Variants in TBPL2 observed in about 807,000 individuals in gnomAD.
TBPL2 encodes the protein TATA box-binding protein-like 2.
TBPL2 carries 40 observed loss-of-function variants against 38.2 expected under a neutral mutation model. The observed-to-expected ratio is 1.05, with a 90% CI of 0.81 to 1.36. TBPL2 has a LOEUF of 1.36. Among genes scored for constraint, TBPL2 ranks in the 40% most tolerant of loss-of-function variants. The probability of loss-of-function intolerance (pLI) is 0.00; values close to 1 mark genes in which losing one functional copy is unlikely to be tolerated. For synonymous variants in TBPL2, 169 were observed against 171.7 expected, an observed-to-expected ratio of 0.98 and a Z score of 0.12; for missense variants, 461 against 456.7, an observed-to-expected ratio of 1.01 and a Z score of -0.09.
At chr14:55,433,597 C>T in intron 4 of TBPL2, 33 bp downstream of exon 4, 1 of 1,581,102 alleles carries the variant, frequency 6.3e-7, no homozygotes. Context: ...TAAATTGTTT[C>T]TCTGGTAGGG....
At chr14:55,419,663 G>A (rs970666547) in intron 6 of TBPL2, among the ~76,000 whole-genome samples, 8 of 152,170 alleles carry the variant, frequency 5.3e-5, no homozygotes, top group African/African-American at 1.9e-4. Context: ...CTTAGACATG[G>A]TGGCTGTAGC....
At chr14:55,430,644 ACCT>A (rs1885911582) in intron 4 of TBPL2, among the ~76,000 whole-genome samples, 1 of 151,698 alleles carries the variant, frequency 6.6e-6, no homozygotes, top group Non-Finnish European at 1.5e-5. Context: ...GACCCTCCCA[ACCT>A]CAGCCTCCCC....
chr14:55,439,184 G>A (rs996269061), intron 1 of TBPL2, among the ~76,000 whole-genome samples: 6 of 151,166 alleles, frequency 4.0e-5, no homozygotes, highest in African/African-American at 9.7e-5. Flanking sequence ...AATGAGCCAC[G>A]TGCCTCGGCC....
In TBPL2 at chr14:55,435,935, C is replaced by T; in HGVS notation, c.609-1G>A. On this transcript the variant is annotated splice_acceptor_variant, in intron 2 of 6. Coordinates refer to ENST00000247219, the Ensembl canonical transcript of TBPL2. LOFTEE classifies it high-confidence loss of function. ...CAGGTTTACAGTGGAAACTATATTC[C>T]TGAAGAAATAAGTCAGTTTAGAAAC... The T allele has an allele frequency of 2.6e-6, 4 of 1,557,650 alleles. No individual in the cohort carries two copies. The highest frequency in any genetic ancestry group is 1.2e-5 in the South Asian group (1 of 83,236).
intron 4 of TBPL2, among the ~76,000 whole-genome samples, chr14:55,430,499 T>C (rs1885909225): frequency 2.0e-5 from 3 of 151,454 alleles, no homozygotes; most frequent in Admixed American, 2.0e-4. Flanking sequence ...CTTGAACTTC[T>C]GGCCTTAAGT....
exon 2 of TBPL2, chr14:55,436,596 A>T (rs1886016056): frequency 6.2e-7 from 1 of 1,614,090 alleles, no homozygotes; most frequent in South Asian, 1.1e-5. Flanking sequence ...ATTCTGAAAT[A>T]GGGGTCATTG....
chr14:55,417,637 T>C (rs1335100486), intron 6 of TBPL2, among the ~76,000 whole-genome samples: 1 of 152,060 alleles, frequency 6.6e-6, no homozygotes, highest in Non-Finnish European at 1.5e-5. Context: ...TTTTGTCTAT[T>C]TTCAGTAGAG....
At chr14:55,429,459 TG>T (rs1885887728) in intron 4 of TBPL2, among the ~76,000 whole-genome samples, 2 of 152,306 alleles carry the variant, frequency 1.3e-5, no homozygotes, top group South Asian at 4.1e-4. Context: ...TCTCAAAGTA[TG>T]TCCCATTTAG....
intron 6 of TBPL2, among the ~76,000 whole-genome samples, chr14:55,416,760 G>T (rs557581021): frequency 6.6e-6 from 1 of 152,282 alleles, no homozygotes; most frequent in East Asian, 1.9e-4. Context: ...GAACAACCTT[G>T]TTAGCAGACA....
chr14:55,433,789 G>A lies in TBPL2; in HGVS notation c.697-68C>T, dbSNP rs1220773855. The A allele has an allele frequency of 2.4e-5, 34 of 1,415,650 alleles. No individual in the cohort carries two copies. In the East Asian group the frequency reaches 3.4e-4, roughly 14 times the overall value. The allele number at this position is 1,415,650 out of a possible 1,614,324, so 87.7% of individuals were successfully genotyped here. On this transcript the variant is annotated intron_variant, in intron 3 of 6. Transcript: ENST00000247219. ...TAACATTATCCCAGTTGAAAAAGCC[G>A]AGCTGAATATGAAAATCTCAAACAG...
chr14:55,433,173 G>C (rs1194930395), intron 4 of TBPL2, among the ~76,000 whole-genome samples: 1 of 152,044 alleles, frequency 6.6e-6, no homozygotes, highest in African/African-American at 2.4e-5. Context: ...CTGTAACTCA[G>C]ACTGGACTGC....
chr14:55,421,879 G>A (rs1431518852), intron 6 of TBPL2, among the ~76,000 whole-genome samples: 1 of 152,190 alleles, frequency 6.6e-6, no homozygotes, highest in African/African-American at 2.4e-5. Flanking sequence ...GCTGAGTTAT[G>A]ACTTAATCAA....
exon 6 of TBPL2, chr14:55,424,171 C>T: frequency 1.2e-6 from 2 of 1,612,468 alleles, no homozygotes; most frequent in Non-Finnish European, 1.7e-6. Flanking sequence ...GTCAACACAA[C>T]TTTTCCAGAT....
At chr14:55,440,448 A>G (rs1383807210) in exon 1 of TBPL2, 1 of 1,585,734 alleles carries the variant, frequency 6.3e-7, no homozygotes, top group East Asian at 2.3e-5. Context: ...CTCCTGCTCC[A>G]TGGACCGTAA....
At chr14:55,414,402 G>C (rs1409441619) in exon 7 of TBPL2, 5 of 1,607,416 alleles carry the variant, frequency 3.1e-6, no homozygotes, top group Non-Finnish European at 3.4e-6. Context: ...AAACCTTTTA[G>C]AATAGGATAG....
chr14:55,418,188 C>A (rs1318413116), intron 6 of TBPL2, among the ~76,000 whole-genome samples: 1 of 152,222 alleles, frequency 6.6e-6, no homozygotes, highest in Non-Finnish European at 1.5e-5. Flanking sequence ...GTCTGTCTCC[C>A]TCAGCAGGGC....
At chr14:55,436,320 T>C (rs1886011381) in intron 2 of TBPL2, among the ~76,000 whole-genome samples, 1 of 152,206 alleles carries the variant, frequency 6.6e-6, no homozygotes, top group African/African-American at 2.4e-5. Flanking sequence ...ATACAATCCT[T>C]CAAGAATGCA....
intron 6 of TBPL2, among the ~76,000 whole-genome samples, chr14:55,414,838 T>G (rs960635226): frequency 6.6e-6 from 1 of 152,254 alleles, no homozygotes; most frequent in Non-Finnish European, 1.5e-5. Context: ...AACATCTTGA[T>G]TCCCTAATAT....
intron 6 of TBPL2, among the ~76,000 whole-genome samples, chr14:55,416,146 T>C (rs1473392821): frequency 6.6e-6 from 1 of 152,144 alleles, no homozygotes; most frequent in Non-Finnish European, 1.5e-5. Context: ...AATAGAAATG[T>C]TTTAGAACTA....
Sources: allele counts gnomAD v4.1 joint callset (sites outside exome capture counted in the v4.1 genomes callset), GRCh38; gene constraint gnomAD v4.1.1; transcripts MANE v1.5; gene names NCBI Gene and HGNC (gene_info 2026-07-23, HGNC 2026-07-21).